The following FRMPD1 variants were observed in gnomAD, a reference collection of about 807,000 sequenced individuals.
The protein encoded by FRMPD1 is FERM and PDZ domain-containing protein 1.
Under a neutral mutation model 117.8 loss-of-function variants are expected in FRMPD1, and 76 were observed. That is an observed-to-expected ratio of 0.65 (90% CI 0.54 to 0.78). FRMPD1 has a LOEUF of 0.78. Among genes scored for constraint, FRMPD1 ranks in the 30% least tolerant of loss-of-function variants. The pLI is 0.00. For missense variants in FRMPD1, 1,786 were observed against 1,964.5 expected (o/e 0.91, Z 1.72); for synonymous variants, 783 against 770.4 (o/e 1.02, Z -0.27).
At chr9:37,741,398 CCTCCACCGAGAGTGT>C (rs1038072393) in intron 15 of FRMPD1, among the ~76,000 whole-genome samples, 5 of 150,572 alleles carry the variant, frequency 3.3e-5, no homozygotes, top group African/African-American at 1.2e-4. Flanking sequence ...CTCATACATT[CCTCCACCGAGAGTGT>C]GGAGGGTCTT....
the FRMPD1 span, among the ~76,000 whole-genome samples, chr9:37,609,149 G>A: frequency 4.6e-5 from 7 of 152,038 alleles, no homozygotes; most frequent in Non-Finnish European, 8.8e-5. Flanking sequence ...AAAGTTAGCC[G>A]GGCATGGTGG....
chr9:37,704,113 G>T (rs1238722108), intron 2 of FRMPD1, among the ~76,000 whole-genome samples: 1 of 152,172 alleles, frequency 6.6e-6, no homozygotes, highest in Non-Finnish European at 1.5e-5. Context: ...TTTCTATTCA[G>T]TTTCATTGGT....
At chr9:37,613,984 A>G in the FRMPD1 span, among the ~76,000 whole-genome samples, 2 of 152,264 alleles carry the variant, frequency 1.3e-5, no homozygotes, top group Admixed American at 1.3e-4. Flanking sequence ...TGAATAAATA[A>G]ATGAAAGACT....
chr9:37,650,532 C>T (rs1820635918), upstream of FRMPD1, among the ~76,000 whole-genome samples: 1 of 152,160 alleles, frequency 6.6e-6, no homozygotes. Flanking sequence ...GGGCGAGTCC[C>T]CCAGGGCTCC....
chr9:37,689,474 A>C lies in FRMPD1; in HGVS notation c.-4-3164A>C, dbSNP rs141157619. Among the ~76,000 whole-genome samples the C allele has an allele frequency of 2.1e-3, 320 of 152,258 alleles. 1 individual carries two copies. The highest frequency in any genetic ancestry group is 7.3e-3 in the African/African-American group (303 of 41,566). On this transcript the variant is annotated intron_variant, in intron 1 of 15. Coordinates refer to ENST00000377765, the MANE Select transcript of FRMPD1 (RefSeq NM_014907.3). ...GTGAAATTTTCTACACAAACACATC[A>C]GATAACTTATCCATTTCTATTTCTT...
At position 37,724,209 on chromosome 9, in the gene FRMPD1, C is replaced by A; in HGVS notation, c.517-16C>A. 7.3e-7 allele frequency: 1 copy of A among 1,366,056 alleles called. No homozygotes were observed. Among genetic ancestry groups the A allele is most frequent in the Non-Finnish European group, 1.0e-6 (1 of 953,834 alleles). The allele number at this position is 1,366,056 out of a possible 1,614,324, so 84.6% of individuals were successfully genotyped here. ...AAAAAAAGACAGGGATACAACAATA[C>A]TCTTGTGTTTTCCAGGGTAATTCTC... On this transcript the variant is annotated splice_polypyrimidine_tract_variant and intron_variant, in intron 6 of 15. Coordinates refer to ENST00000377765, the MANE Select transcript of FRMPD1 (RefSeq NM_014907.3).
At position 37,746,492 on chromosome 9, in the gene FRMPD1, A is replaced by G; in HGVS notation, c.4460A>G (p.Gln1487Arg). Reference protein sequence around the residue: ...IRMDQSPEEMQGAVRDTFQHL... With the variant: ...IRMDQSPEEMRGAVRDTFQHL... ...ATGGACCAGTCCCCCGAAGAGATGC[A>G]GGGGGCCGTGCGTGACACCTTCCAG... The change falls in exon 16 of 16, where the codon CAG becomes CGG. Residue 1487 changes from glutamine to arginine, a missense_variant. Gln to Arg is a conservative substitution (Grantham distance 43, BLOSUM62 1). Coordinates refer to ENST00000377765, the MANE Select transcript of FRMPD1 (RefSeq NM_014907.3). 6.2e-7 allele frequency: 1 copy of G among 1,613,626 alleles called. No homozygotes were observed. Among genetic ancestry groups the G allele is most frequent in the Non-Finnish European group, 8.5e-7 (1 of 1,180,014 alleles).
At chr9:37,629,147 C>T in the FRMPD1 span, among the ~76,000 whole-genome samples, 2 of 151,892 alleles carry the variant, frequency 1.3e-5, no homozygotes, top group Non-Finnish European at 2.9e-5. Flanking sequence ...TGCAGTGAGC[C>T]GAGGTTGTGC....
rs1296604989 is a variant in FRMPD1 at position 37,727,196 on chromosome 9, C to G, written c.613-2532C>G. ...AGGAGTTTGGATTTTGGCCAGTGAG[C>G]CATCAAGAGCCACTGAACGTTCTTG... On this transcript the variant is annotated intron_variant, in intron 7 of 15. Coordinates refer to ENST00000377765, the MANE Select transcript of FRMPD1 (RefSeq NM_014907.3). Among the ~76,000 whole-genome samples the G allele has an allele frequency of 2.6e-5, 4 of 152,120 alleles. No individual in the cohort carries two copies. The East Asian group carries it at 7.8e-4, about 29-fold the overall frequency.
rs199579506 is a variant in FRMPD1 at position 37,746,759 on chromosome 9, C to T, written c.4727C>T (p.Thr1576Met). 252 of 1,613,574 alleles carry T rather than the reference C, an allele frequency of 1.6e-4. No individual in the cohort carries two copies. The highest frequency in any genetic ancestry group is 1.2e-3 in the Admixed American group (70 of 60,028). The part of the protein sequence containing the change: ...FCLTQKFRAS[T>M]AL ...TTGACCCAGAAGTTCCGGGCATCCA[C>T]GGCCCTGTAAACAGGTCAACGGCCC... The change falls in exon 16 of 16, where the codon ACG becomes ATG. Residue 1576 changes from threonine to methionine, a missense_variant. Physicochemically the swap from Thr to Met is moderately conservative, Grantham distance 81 (BLOSUM62 -1). Transcript: ENST00000377765.
intron 1 of FRMPD1, among the ~76,000 whole-genome samples, chr9:37,685,521 G>T (rs987166908): frequency 1.3e-5 from 2 of 151,982 alleles, no homozygotes; most frequent in East Asian, 1.9e-4. Context: ...GCGTGGTGGC[G>T]GGCGCCTGTA....
intron 13 of FRMPD1, among the ~76,000 whole-genome samples, chr9:37,736,764 A>G (rs1824147582): frequency 6.6e-6 from 1 of 151,820 alleles, no homozygotes; most frequent in Admixed American, 6.6e-5. Flanking sequence ...CAGTTTGGAT[A>G]TGGCGCTGGG....
chr9:37,706,359 AGT>A (rs1023666426), intron 2 of FRMPD1, among the ~76,000 whole-genome samples: 2 of 152,206 alleles, frequency 1.3e-5, no homozygotes, highest in Non-Finnish European at 2.9e-5. Context: ...TTTTCAGATA[AGT>A]GAGGGCCTAT....
intron 1 of FRMPD1, among the ~76,000 whole-genome samples, chr9:37,669,291 A>C (rs2119412924): frequency 6.6e-6 from 1 of 152,300 alleles, no homozygotes; most frequent in Non-Finnish European, 1.5e-5. Context: ...GACTTGCTTG[A>C]TTCCTTTGAT....
chr9:37,680,606 G>A (rs996043428), intron 1 of FRMPD1, among the ~76,000 whole-genome samples: 1 of 152,122 alleles, frequency 6.6e-6, no homozygotes, highest in African/African-American at 2.4e-5. Flanking sequence ...GGGGTGATGG[G>A]GGTCCAGGGT....
chr9:37,684,526 C>T (rs1459714461), intron 1 of FRMPD1, among the ~76,000 whole-genome samples: 4 of 152,056 alleles, frequency 2.6e-5, no homozygotes, highest in South Asian at 2.1e-4. Flanking sequence ...ATTAGAATTA[C>T]GTTTTATATC....
chr9:37,652,950 A>C (rs1271551091), intron 1 of FRMPD1, among the ~76,000 whole-genome samples: 1 of 152,196 alleles, frequency 6.6e-6, no homozygotes, highest in Non-Finnish European at 1.5e-5. Context: ...TGGAGGAAGA[A>C]GAGGATTTCA....
chr9:37,729,698 G>C, intron 7 of FRMPD1, 30 bp from the exon 8 acceptor site: 1 of 1,610,432 alleles, frequency 6.2e-7, no homozygotes, highest in Non-Finnish European at 8.5e-7. Flanking sequence ...TGTTTCTTGC[G>C]TAACTCCTGC....
At chr9:37,693,748 G>A (rs1822228415) in intron 2 of FRMPD1, among the ~76,000 whole-genome samples, 1 of 152,140 alleles carries the variant, frequency 6.6e-6, no homozygotes, top group African/African-American at 2.4e-5. Context: ...CAGCTAAAGG[G>A]AACACTTATT....
Sources: allele counts gnomAD v4.1 joint callset (sites outside exome capture counted in the v4.1 genomes callset), GRCh38; gene constraint gnomAD v4.1.1; transcripts MANE v1.5; gene names NCBI Gene and HGNC (gene_info 2026-07-23, HGNC 2026-07-21).